The following TRAPPC9 variants were observed in gnomAD, a reference collection of about 807,000 sequenced individuals.
The protein encoded by TRAPPC9 is trafficking protein particle complex subunit 9, also known as IKK2 binding protein.
A neutral mutation model predicts 124.0 loss-of-function variants in TRAPPC9; 83 were observed. The ratio of observed to expected loss-of-function variants is 0.67; its 90% confidence interval spans 0.56 to 0.80. The LOEUF (loss-of-function observed/expected upper bound fraction) is 0.80, where lower values mean the gene tolerates loss of function less well. Among genes scored for constraint, TRAPPC9 ranks in the 30% least tolerant of loss-of-function variants. The pLI, the probability that TRAPPC9 is intolerant of heterozygous loss-of-function variation, is 0.00. For missense variants in TRAPPC9, 1,302 were observed against 1,508.3 expected, an observed-to-expected ratio of 0.86 and a Z score of 2.27; for synonymous variants, 638 against 617.5, an observed-to-expected ratio of 1.03 and a Z score of -0.49.
At chr8:140,386,326 CA>C (rs2068754896) in intron 7 of TRAPPC9, among the ~76,000 whole-genome samples, 1 of 152,120 alleles carries the variant, frequency 6.6e-6, no homozygotes, top group Non-Finnish European at 1.5e-5. Context: ...GGCAAACGGG[CA>C]GGAGAAAGAA....
At chr8:139,998,737 T>TA (rs538449360) in intron 18 of TRAPPC9, among the ~76,000 whole-genome samples, 5 of 151,172 alleles carry the variant, frequency 3.3e-5, no homozygotes, top group African/African-American at 1.2e-4. Context: ...AATAAATAAA[T>TA]AAATAAAACA....
At position 139,984,252 on chromosome 8, in the gene TRAPPC9, T is replaced by G. The variant is rs536519598; in HGVS notation, c.2810+4474A>C. Reference sequence around the variant, plus strand: ...CTTCCTTTAAGAGTAGGCTGTGCTATCTGCAGAGAAAAGTTCTGTGCACCT... The same window carrying G: ...CTTCCTTTAAGAGTAGGCTGTGCTAGCTGCAGAGAAAAGTTCTGTGCACCT... On this transcript the variant is annotated intron_variant, in intron 19 of 22. Coordinates refer to ENST00000438773, the MANE Select transcript of TRAPPC9 (RefSeq NM_001160372.4). This position sits in a 1 kb window ranked among gnomAD's most constrained non-coding sequence, Gnocchi z 4.3. Among the ~76,000 whole-genome samples the G allele has an allele frequency of 5.6e-4, 86 of 152,294 alleles. 1 individual carries two copies. The highest frequency in any genetic ancestry group is 2.1e-3 in the African/African-American group (86 of 41,570).
intron 21 of TRAPPC9, among the ~76,000 whole-genome samples, chr8:139,796,105 G>C (rs896890859): frequency 2.8e-5 from 4 of 144,940 alleles, no homozygotes; most frequent in Non-Finnish European, 6.1e-5. Context: ...AAGAGGAGGA[G>C]GAAGAGGAGG....
intron 8 of TRAPPC9, among the ~76,000 whole-genome samples, chr8:140,361,575 ATAT>A (rs1241625856): frequency 6.6e-6 from 1 of 152,246 alleles, no homozygotes; most frequent in African/African-American, 2.4e-5. Context: ...GTTGCTATTA[ATAT>A]TATTATTCAA....
rs558506930 is a variant in TRAPPC9, at chr8:140,003,260, C to G, written c.2700-14424G>C. Among the ~76,000 whole-genome samples the G allele has an allele frequency of 7.6e-4, 115 of 152,158 alleles. 1 individual carries two copies. The highest frequency in any genetic ancestry group is 1.3e-3 in the Non-Finnish European group (91 of 67,982). On this transcript the variant is annotated intron_variant, in intron 18 of 22. Coordinates refer to ENST00000438773, the MANE Select transcript of TRAPPC9 (RefSeq NM_001160372.4). The stretch of plus-strand genomic sequence containing the variant: ...ACAAATAAGCACATGAAGAAAGGAT[C>G]AATGTCATTCATCACTAAGAAAGCA...
At position 140,216,563 on chromosome 8, in the gene TRAPPC9, A is replaced by T. The variant is rs2063200912; in HGVS notation, c.2556+4896T>A. Among the ~76,000 whole-genome samples the T allele has an allele frequency of 6.6e-6, 1 of 152,226 alleles. No individual in the cohort carries two copies. Among genetic ancestry groups the T allele is most frequent in the Non-Finnish European group, 1.5e-5 (1 of 68,046 alleles). On this transcript the variant is annotated intron_variant, in intron 17 of 22. Transcript: ENST00000438773. This position sits in a 1 kb window ranked among gnomAD's most constrained non-coding sequence, Gnocchi z 4.1. ...TATGAGTGGAACACAAAGCAAAGGA[A>T]GGAACCAACAAACTCCGCGTGCCTC...
At chr8:139,881,456 T>G (rs953876270) in intron 21 of TRAPPC9, among the ~76,000 whole-genome samples, 12 of 152,180 alleles carry the variant, frequency 7.9e-5, no homozygotes, top group African/African-American at 2.7e-4. Context: ...CCACCCTTTA[T>G]ACCACCTGAG....
chr8:139,768,899 C>T (rs1003555146), intron 21 of TRAPPC9, among the ~76,000 whole-genome samples: 2 of 152,138 alleles, frequency 1.3e-5, no homozygotes, highest in Admixed American at 6.5e-5. Context: ...TGGGCCCAAT[C>T]CTCTCGGACT....
At chr8:140,446,957 C>G (rs1436718609) in intron 2 of TRAPPC9, among the ~76,000 whole-genome samples, 2 of 152,300 alleles carry the variant, frequency 1.3e-5, no homozygotes, top group East Asian at 3.9e-4. Flanking sequence ...CCGCAGCTCC[C>G]CTGGCCACCA....
chr8:140,057,446 C>T (rs1197598698), intron 17 of TRAPPC9, among the ~76,000 whole-genome samples: 6 of 152,186 alleles, frequency 3.9e-5, no homozygotes, highest in South Asian at 4.1e-4. Context: ...TCAGTGTTCA[C>T]GGACAGATGA....
At chr8:140,451,461 T>C in intron 1 of TRAPPC9, 78 bp from the exon 2 acceptor site, 1 of 1,202,606 alleles carries the variant, frequency 8.3e-7, no homozygotes, top group Non-Finnish European at 1.2e-6. Context: ...GCAGTGACTG[T>C]GACCTTCACT....
chr8:140,200,927 G>C (rs1327974200), intron 17 of TRAPPC9, among the ~76,000 whole-genome samples: 1 of 152,216 alleles, frequency 6.6e-6, no homozygotes, highest in East Asian at 1.9e-4. Context: ...GGAACTCTCT[G>C]TTCCATCTTT....
At chr8:139,900,883 C>T (rs1160192840) in intron 20 of TRAPPC9, among the ~76,000 whole-genome samples, 1 of 151,962 alleles carries the variant, frequency 6.6e-6, no homozygotes, top group Admixed American at 6.6e-5. Context: ...GCTTAGTTCA[C>T]TCTGCCCCTG....
At chr8:139,780,333 C>A (rs1437429673) in intron 21 of TRAPPC9, among the ~76,000 whole-genome samples, 1 of 152,098 alleles carries the variant, frequency 6.6e-6, no homozygotes, top group Non-Finnish European at 1.5e-5. Context: ...AGAACAGAAA[C>A]AAACAGATCA....
chr8:139,732,956 G>C (rs772028579), intron 21 of TRAPPC9, among the ~76,000 whole-genome samples: 94 of 152,134 alleles, frequency 6.2e-4, no homozygotes, highest in Non-Finnish European at 1.1e-3. Context: ...CTCCTAACTG[G>C]GCAGCAGCAA....
intron 17 of TRAPPC9, among the ~76,000 whole-genome samples, chr8:140,127,369 GA>G (rs2061117870): frequency 1.3e-5 from 2 of 152,214 alleles, no homozygotes; most frequent in Non-Finnish European, 2.9e-5. Flanking sequence ...AGAGTAGGAA[GA>G]AACAGAATTA....
intron 18 of TRAPPC9, among the ~76,000 whole-genome samples, chr8:140,014,688 C>G (rs1271446419): frequency 6.6e-6 from 1 of 152,182 alleles, no homozygotes; most frequent in Non-Finnish European, 1.5e-5. Flanking sequence ...GGACTCCAGG[C>G]TCCCAGGTCA....
rs73713109 is a variant in TRAPPC9, at chr8:140,359,703, T to C, written c.1495+347A>G. On this transcript the variant is annotated intron_variant, in intron 9 of 22. Transcript: ENST00000438773. Reference sequence around the variant, plus strand: ...TGAGTCGTGCACTCCTCTATGTAAATGTTATGCTTTGACATTTATATTTTT... The same window carrying C: ...TGAGTCGTGCACTCCTCTATGTAAACGTTATGCTTTGACATTTATATTTTT... Among the ~76,000 whole-genome samples the C allele has an allele frequency of 5.7e-3, 872 of 152,264 alleles. 5 individuals carry two copies. The highest frequency in any genetic ancestry group is 0.019 in the African/African-American group (807 of 41,562).
At chr8:139,956,964 C>A (rs1440791328) in intron 19 of TRAPPC9, among the ~76,000 whole-genome samples, 1 of 152,254 alleles carries the variant, frequency 6.6e-6, no homozygotes, top group Non-Finnish European at 1.5e-5. Flanking sequence ...CGGATAAGGC[C>A]CTGAGGTGCT....
Sources: allele counts gnomAD v4.1 joint callset (sites outside exome capture counted in the v4.1 genomes callset), GRCh38; gene constraint gnomAD v4.1.1; non-coding constraint Gnocchi (gnomAD v3.1); transcripts MANE v1.5; gene names NCBI Gene and HGNC (gene_info 2026-07-23, HGNC 2026-07-21).